The following CYTH4 variants were observed in gnomAD, a reference collection of about 807,000 sequenced individuals.
CYTH4 encodes the protein cytohesin 4, also known as cytohesin-4.
CYTH4 carries 22 observed loss-of-function variants against 57.5 expected under a neutral mutation model. The observed-to-expected ratio is 0.38, with a 90% CI of 0.27 to 0.55. The LOEUF (loss-of-function observed/expected upper bound fraction) is 0.55. Ranked by LOEUF, CYTH4 falls within the 20% of genes least tolerant of loss-of-function variation. CYTH4 has a pLI of 0.74. For synonymous variants in CYTH4, 186 were observed against 206.5 expected, an observed-to-expected ratio of 0.90 and a Z score of 0.85; for missense variants, 420 against 535.6, an observed-to-expected ratio of 0.78 and a Z score of 2.13.
Position 37,311,110 on chromosome 22 carries a change from G to A in CYTH4, c.885+46G>A, listed in dbSNP as rs779596631. 54 of 1,599,762 alleles carry A rather than the reference G, an allele frequency of 3.4e-5. No homozygotes were observed. Among genetic ancestry groups the A allele is most frequent in the African/African-American group, 4.0e-5 (3 of 74,600 alleles). ...CCTTCCCCTGCCCCCGCCTCTCCCC[G>A]CACAACCCACTTCCCAACTCCCACT... is the stretch of plus-strand genomic sequence containing the variant. On this transcript the variant is annotated intron_variant, in intron 10 of 12. Transcript: ENST00000248901. This position sits in a 1 kb window ranked among gnomAD's most constrained non-coding sequence, Gnocchi z 4.4.
intron 7 of CYTH4, among the ~76,000 whole-genome samples, chr22:37,302,946 C>T (rs1026604624): frequency 2.0e-4 from 22 of 110,456 alleles, no homozygotes; most frequent in Non-Finnish European, 4.5e-4. Context: ...GGTCCTGAGC[C>T]GTGGCTGAGC....
chr22:37,308,736 A>C (rs887045353), intron 8 of CYTH4, among the ~76,000 whole-genome samples: 1 of 149,376 alleles, frequency 6.7e-6, no homozygotes, highest in Non-Finnish European at 1.5e-5. Flanking sequence ...ATGTATGAGT[A>C]TGCATGCATG....
intron 6 of CYTH4, 32 bp downstream of exon 6, chr22:37,299,338 C>T: frequency 1.3e-6 from 2 of 1,596,348 alleles, no homozygotes; most frequent in Non-Finnish European, 1.7e-6. Flanking sequence ...TCCCGGCCCT[C>T]AAGGGTGGCA....
At chr22:37,286,459 C>A (rs138566525) in intron 1 of CYTH4, among the ~76,000 whole-genome samples, 434 of 152,254 alleles carry the variant, frequency 2.9e-3, no homozygotes, top group African/African-American at 0.01. Context: ...CCTGGCGCAC[C>A]ATGGGTGCTC....
rs1928957382 is a variant in CYTH4 at position 37,296,119 on chromosome 22, C to CCT, written c.234+55_234+56dup. On this transcript the variant is annotated intron_variant, in intron 4 of 12. Transcript: ENST00000248901. ...AGGGTGTGGGGGCTGCATGGGAGCA[C>CCT]CTGCCTGGTGTCCTCTCGCTCCCCT... 8.3e-6 allele frequency: 13 copies of CCT among 1,561,086 alleles called. 1 individual carries two copies. In the South Asian group the frequency reaches 1.4e-4, roughly 17 times the overall value.
At chr22:37,299,356 A>G (rs1414452574) in intron 6 of CYTH4, 50 bp downstream of exon 6, 1 of 1,532,668 alleles carries the variant, frequency 6.5e-7, no homozygotes, top group Admixed American at 1.7e-5. Context: ...GCACAGCCCC[A>G]GTGGCTGGGG....
chr22:37,292,283 C>T lies in CYTH4; in HGVS notation c.20-338C>T, dbSNP rs753909219. The T allele has an allele frequency of 3.3e-4, 92 of 275,376 alleles. No individual in the cohort carries two copies. The Middle Eastern group carries it at 4.0e-3, about 12-fold the overall frequency. 17.1% of individuals were successfully genotyped at this position (275,376 alleles called of 1,614,324 possible). ...CTGAGTGCTTATGACATGTCAGACT[C>T]TTTCTAGGTGCTGGGGACACAGTAG... On this transcript the variant is annotated intron_variant, in intron 1 of 12. Transcript: ENST00000248901.
chr22:37,312,588 C>T (rs1202669900), intron 12 of CYTH4, among the ~76,000 whole-genome samples: 1 of 152,212 alleles, frequency 6.6e-6, no homozygotes, highest in African/African-American at 2.4e-5. Context: ...CAGCAGGCGG[C>T]CTACCTGCAC....
chr22:37,309,825 C>T (rs1452981706), intron 9 of CYTH4: 4 of 317,750 alleles, frequency 1.3e-5, no homozygotes, highest in South Asian at 2.6e-5. Flanking sequence ...CAGGATGTGG[C>T]TTAGGGGGAG....
chr22:37,299,371 C>A, intron 6 of CYTH4, 65 bp downstream of exon 6: 3 of 1,377,754 alleles, frequency 2.2e-6, no homozygotes, highest in Non-Finnish European at 3.1e-6. Context: ...CTGGGGGTGT[C>A]GCGATCCACA....
rs779831687 is a variant in CYTH4 at position 37,311,512 on chromosome 22, T to C, written c.942T>C (p.Asp314=). The C allele has an allele frequency of 2.5e-6, 4 of 1,613,900 alleles. No individual in the cohort carries two copies. The East Asian group carries it at 8.9e-5, about 36-fold the overall frequency. The part of the protein sequence containing the change: ...PLENLSVQKV[D]DPKKPFCLEL... Reference sequence around the variant, plus strand: ...AGAACCTCTCGGTGCAGAAGGTGGATGACCCCAAGAAGCCAGTAGGTGTTC... The same window carrying C: ...AGAACCTCTCGGTGCAGAAGGTGGACGACCCCAAGAAGCCAGTAGGTGTTC... The change falls in exon 11 of 13, where the codon GAT becomes GAC. Residue 314 remains aspartate (D), a synonymous_variant. Coordinates refer to ENST00000248901, the MANE Select transcript of CYTH4 (RefSeq NM_013385.5). The surrounding 1 kb of genome is among the most constrained non-coding windows in gnomAD (Gnocchi z 4.4).
intron 1 of CYTH4, among the ~76,000 whole-genome samples, chr22:37,286,908 T>TC (rs2145853738): frequency 6.6e-6 from 1 of 151,642 alleles, no homozygotes; most frequent in Admixed American, 6.6e-5. Context: ...AGCCCTGAAG[T>TC]CCCCCTGAGC....
rs1929644741 is a variant in CYTH4 at position 37,311,559 on chromosome 22, G to A, written c.957+32G>A. The A allele has an allele frequency of 6.2e-7, 1 of 1,603,928 alleles. No homozygotes were observed. The highest frequency in any genetic ancestry group is 8.5e-7 in the Non-Finnish European group (1 of 1,171,744). ...GTTCAGGTTGCAGGATCCCGAGGCTGGAGCCACTGGGAAATTTCCTAAACA... is the reference window on the plus strand; with the variant it reads ...GTTCAGGTTGCAGGATCCCGAGGCTAGAGCCACTGGGAAATTTCCTAAACA... On this transcript the variant is annotated intron_variant, in intron 11 of 12. Transcript: ENST00000248901. The surrounding 1 kb of genome is among the most constrained non-coding windows in gnomAD (Gnocchi z 4.4).
At chr22:37,305,180 CAGTG>C (rs1929349270) in intron 8 of CYTH4, among the ~76,000 whole-genome samples, 1 of 152,208 alleles carries the variant, frequency 6.6e-6, no homozygotes, top group Non-Finnish European at 1.5e-5. Flanking sequence ...CTCTAGCTCC[CAGTG>C]AGCCCTCTTC....
At chr22:37,294,459 C>T (rs62235135) in intron 2 of CYTH4, among the ~76,000 whole-genome samples, 4 of 151,974 alleles carry the variant, frequency 2.6e-5, no homozygotes, top group African/African-American at 4.8e-5. Flanking sequence ...GTTTAGCATG[C>T]GACTTAGAAA....
Position 37,311,931 on chromosome 22 carries a change from G to A in CYTH4, c.958-89G>A. On this transcript the variant is annotated intron_variant, in intron 11 of 12. Coordinates refer to ENST00000248901, the MANE Select transcript of CYTH4 (RefSeq NM_013385.5). The surrounding 1 kb of genome is among the most constrained non-coding windows in gnomAD (Gnocchi z 4.4). ...GTCGTAGGGCTGTCACGCTGATCAGGGACACTAGCGTCTGGGCTTCTCTGA... is the reference window on the plus strand; with the variant it reads ...GTCGTAGGGCTGTCACGCTGATCAGAGACACTAGCGTCTGGGCTTCTCTGA... 5 of 1,505,446 alleles carry A rather than the reference G, an allele frequency of 3.3e-6. No homozygotes were observed. Among genetic ancestry groups the A allele is most frequent in the Non-Finnish European group, 3.6e-6 (4 of 1,106,100 alleles). 93.3% of individuals were successfully genotyped at this position (1,505,446 alleles called of 1,614,324 possible).
chr22:37,282,551 T>C lies in CYTH4; in HGVS notation c.-19T>C, dbSNP rs775870570. 1 of 1,613,858 alleles carries C rather than the reference T, an allele frequency of 6.2e-7. No homozygotes were observed. On this transcript the variant is annotated 5_prime_UTR_variant, in exon 1 of 13. Coordinates refer to ENST00000248901, the MANE Select transcript of CYTH4 (RefSeq NM_013385.5). ...CAAGCGACAGGAGCACGGGTCATCT[T>C]TTCCCCAGAGGCGTCGGAATGGACC...
At chr22:37,309,424 A>C in intron 9 of CYTH4, 101 bp downstream of exon 9, 3 of 1,033,406 alleles carry the variant, frequency 2.9e-6, no homozygotes, top group Non-Finnish European at 2.9e-6. Context: ...CCCAGCTGAC[A>C]CGAGGCTCAC....
rs879817197 is a variant in CYTH4, at chr22:37,311,269, T to C, written c.886-187T>C. Among the ~76,000 whole-genome samples the C allele has an allele frequency of 3.3e-5, 5 of 152,242 alleles. No homozygotes were observed. The highest frequency in any genetic ancestry group is 5.9e-5 in the Non-Finnish European group (4 of 68,046). ...CCTAGGCAGAGCCCAGGCTTAAAGC[T>C]GGGCCTCCTAAGTTCCGGCCAGAGG... is the stretch of plus-strand genomic sequence containing the variant. On this transcript the variant is annotated intron_variant, in intron 10 of 12. Coordinates refer to ENST00000248901, the MANE Select transcript of CYTH4 (RefSeq NM_013385.5). This position sits in a 1 kb window ranked among gnomAD's most constrained non-coding sequence, Gnocchi z 4.4.
Sources: gnomAD v4.1 joint callset for allele counts (sites outside exome capture counted in the v4.1 genomes callset) on GRCh38, gnomAD v4.1.1 for gene constraint, Gnocchi (gnomAD v3.1) non-coding constraint, MANE v1.5 for transcripts, NCBI Gene and HGNC (gene_info 2026-07-23, HGNC 2026-07-21) for gene names.